The following CACNA1D variants were observed in gnomAD, a reference collection of about 807,000 sequenced individuals.
The protein encoded by CACNA1D is calcium voltage-gated channel subunit alpha1 D.
Under a neutral mutation model 257.1 loss-of-function variants are expected in CACNA1D, and 55 were observed. The observed-to-expected ratio is 0.21, with a 90% CI of 0.17 to 0.27. CACNA1D has a LOEUF of 0.27. Ranked by LOEUF, CACNA1D falls within the 10% of genes least tolerant of loss-of-function variation. CACNA1D has a pLI of 1.00. For synonymous variants in CACNA1D, 980 were observed against 1,014.9 expected (o/e 0.97, Z 0.65); for missense variants, 1,876 against 2,784.0 (o/e 0.67, Z 7.34).
At chr3:53,638,484 G>A (rs1300293383) in intron 3 of CACNA1D, among the ~76,000 whole-genome samples, 1 of 152,230 alleles carries the variant, frequency 6.6e-6, no homozygotes, top group Non-Finnish European at 1.5e-5. Flanking sequence ...AGGGCAGTGA[G>A]TGTTACATAG....
At chr3:53,553,532 G>T (rs1052590775) in intron 3 of CACNA1D, among the ~76,000 whole-genome samples, 2 of 152,044 alleles carry the variant, frequency 1.3e-5, no homozygotes, top group African/African-American at 4.8e-5. Context: ...TGTGTGTATG[G>T]GTATGTGTGT....
chr3:53,665,844 T>A, intron 6 of CACNA1D, 32 bp downstream of exon 6: 2 of 1,591,222 alleles, frequency 1.3e-6, no homozygotes, highest in Non-Finnish European at 1.7e-6. Flanking sequence ...TAACTTAACT[T>A]TAAAATTTTT....
chr3:53,692,703 A>G (rs1471726263), intron 8 of CACNA1D, among the ~76,000 whole-genome samples: 1 of 152,214 alleles, frequency 6.6e-6, no homozygotes, highest in Non-Finnish European at 1.5e-5. Context: ...AAAATGATTC[A>G]TCTTCCCAAA....
chr3:53,511,582 T>C (rs2091113644), intron 3 of CACNA1D, among the ~76,000 whole-genome samples: 1 of 152,152 alleles, frequency 6.6e-6, no homozygotes, highest in South Asian at 2.1e-4. Context: ...TTCATGTTTT[T>C]CAGGGGTCAG....
chr3:53,712,119 A>G (rs1285602656), intron 9 of CACNA1D, among the ~76,000 whole-genome samples: 1 of 152,258 alleles, frequency 6.6e-6, no homozygotes, highest in African/African-American at 2.4e-5. Flanking sequence ...CCCAGAAAAG[A>G]AAACACCCCT....
chr3:53,773,123 G>A (rs893172540), intron 33 of CACNA1D, among the ~76,000 whole-genome samples: 1 of 152,246 alleles, frequency 6.6e-6, no homozygotes, highest in Non-Finnish European at 1.5e-5. Context: ...AGGAAAAACT[G>A]CATGTCATGG....
chr3:53,762,148 C>G, intron 30 of CACNA1D, 67 bp downstream of exon 30: 6 of 995,474 alleles, frequency 6.0e-6, no homozygotes, highest in Non-Finnish European at 9.7e-6. Flanking sequence ...ACTCCGCTCC[C>G]TGCCCTGCAG....
intron 3 of CACNA1D, among the ~76,000 whole-genome samples, chr3:53,634,308 AATG>A (rs1465335921): frequency 6.6e-6 from 1 of 152,238 alleles, no homozygotes; most frequent in Admixed American, 6.5e-5. Flanking sequence ...TCATTATTAA[AATG>A]ATGATTGTCC....
rs544490528 is a variant in CACNA1D, at chr3:53,573,703, C to G, written c.483+71983C>G. ...CTTCTGTTCTTTCACTGTTGTATGT[C>G]CAGTATCTCGAATAGCTCTGGGCAC... On this transcript the variant is annotated intron_variant, in intron 3 of 47. Coordinates refer to ENST00000350061, the MANE Select transcript of CACNA1D (RefSeq NM_001128840.3). Among the ~76,000 whole-genome samples the G allele has an allele frequency of 3.3e-5, 5 of 152,280 alleles. No homozygotes were observed. The South Asian group carries it at 8.3e-4, about 25-fold the overall frequency.
chr3:53,640,736 A>C (rs1489772146), intron 3 of CACNA1D, among the ~76,000 whole-genome samples: 1 of 152,212 alleles, frequency 6.6e-6, no homozygotes, highest in Non-Finnish European at 1.5e-5. Flanking sequence ...TTAGCTCTGG[A>C]TGGCAAACAG....
intron 25 of CACNA1D, among the ~76,000 whole-genome samples, chr3:53,746,522 C>G (rs376087441): frequency 1.2e-4 from 18 of 152,312 alleles, no homozygotes; most frequent in African/African-American, 4.3e-4. Flanking sequence ...TGTCTCCCCA[C>G]CCGCGAGAGA....
intron 40 of CACNA1D, among the ~76,000 whole-genome samples, chr3:53,798,312 T>C (rs905045294): frequency 1.3e-4 from 19 of 147,992 alleles, no homozygotes; most frequent in East Asian, 4.2e-4. Context: ...TGTGTGCGTG[T>C]GTGTGTGTGT....
chr3:53,670,778 C>T (rs1233203476), intron 7 of CACNA1D, among the ~76,000 whole-genome samples: 2 of 152,190 alleles, frequency 1.3e-5, no homozygotes, highest in East Asian at 1.9e-4. Flanking sequence ...TCAGTGGAAG[C>T]CAGTTTCTTC....
chr3:53,810,773 AAAAAAAAAAAAAAC>A (rs1487928373), intron 47 of CACNA1D, among the ~76,000 whole-genome samples: 8 of 149,330 alleles, frequency 5.4e-5, no homozygotes, highest in East Asian at 3.9e-4. Context: ...AAAAAAAAAA[AAAAAAAAAAAAAAC>A]AAAAACTGGT....
chr3:53,516,105 A>C (rs915222380), intron 3 of CACNA1D, among the ~76,000 whole-genome samples: 2 of 152,190 alleles, frequency 1.3e-5, no homozygotes, highest in Non-Finnish European at 2.9e-5. Context: ...CTCACTTTTC[A>C]TGTGGGATCT....
chr3:53,773,659 C>CT (rs1559662667), intron 33 of CACNA1D: 3 of 112,274 alleles, frequency 2.7e-5, no homozygotes, highest in Non-Finnish European at 6.1e-5. Context: ...AATGGTAGTG[C>CT]TTTTTTCTTT....
At chr3:53,607,014 T>TGGGATA (rs2107924848) in intron 3 of CACNA1D, among the ~76,000 whole-genome samples, 1 of 152,368 alleles carries the variant, frequency 6.6e-6, no homozygotes, top group South Asian at 2.1e-4. Context: ...TATACCACAA[T>TGGGATA]TTGTTTATCC....
intron 3 of CACNA1D, among the ~76,000 whole-genome samples, chr3:53,539,232 C>G (rs2092228013): frequency 6.6e-6 from 1 of 152,088 alleles, no homozygotes; most frequent in African/African-American, 2.4e-5. Context: ...GCCTCAGCCT[C>G]CCTAGTAGCT....
At position 53,576,869 on chromosome 3, in the gene CACNA1D, A is replaced by G. The variant is rs571446722; in HGVS notation, c.484-73910A>G. On this transcript the variant is annotated intron_variant, in intron 3 of 47. Transcript: ENST00000350061. ...CTAAGTAGAATTGATAAATGCCTAC[A>G]TTGTTCACCTATGTGTTGATTTTTG... Among the ~76,000 whole-genome samples, 117 of 152,316 alleles carry G rather than the reference A, an allele frequency of 7.7e-4. 2 individuals are homozygous for G. The highest frequency in any genetic ancestry group is 2.8e-3 in the African/African-American group (115 of 41,564).
Sources: gnomAD v4.1 joint callset for allele counts (sites outside exome capture counted in the v4.1 genomes callset) on GRCh38, gnomAD v4.1.1 for gene constraint, MANE v1.5 for transcripts, NCBI Gene and HGNC (gene_info 2026-07-23, HGNC 2026-07-21) for gene names.